The following ZBBX variants were observed in gnomAD, a reference collection of about 807,000 sequenced individuals.
ZBBX encodes the protein zinc finger B-box domain-containing protein 1.
ZBBX carries 101 observed loss-of-function variants against 108.5 expected under a neutral mutation model. The observed-to-expected ratio is 0.93, with a 90% confidence interval of 0.79 to 1.10. The LOEUF (loss-of-function observed/expected upper bound fraction) is 1.10, where lower values mean the gene tolerates loss of function less well. ZBBX is among the 50% of genes least tolerant of loss of function. The probability of loss-of-function intolerance (pLI) is 0.00; values close to 1 mark genes in which losing one functional copy is unlikely to be tolerated. For missense variants in ZBBX, 1,009 were observed against 941.4 expected (o/e 1.07, Z -0.94); for synonymous variants, 356 against 323.4 (o/e 1.10, Z -1.08).
chr3:167,196,147 A>G, the ZBBX span, among the ~76,000 whole-genome samples: 1 of 152,190 alleles, frequency 6.6e-6, no homozygotes. Context: ...TAGCTATTAC[A>G]AAGGCCCCTT....
At chr3:167,333,344 A>C (rs567868813) in intron 10 of ZBBX, among the ~76,000 whole-genome samples, 22 of 152,164 alleles carry the variant, frequency 1.4e-4, no homozygotes, top group Admixed American at 3.3e-4. Flanking sequence ...ATGAGTTGAT[A>C]AAAGCTTATC....
At chr3:167,286,733 C>G (rs4413312) in intron 19 of ZBBX, among the ~76,000 whole-genome samples, 121,985 of 152,082 alleles carry the variant, frequency 0.8, 49,103 homozygotes, top group East Asian at 0.91. Context: ...TGTTTGGATA[C>G]AGTTGCCATT....
intron 1 of ZBBX, among the ~76,000 whole-genome samples, chr3:167,389,087 C>A: frequency 6.6e-6 from 1 of 151,782 alleles, no homozygotes; most frequent in East Asian, 1.9e-4. Context: ...GTTTTAAGCC[C>A]CACATGCCTT....
Position 167,317,547 on chromosome 3 carries a change from G to A in ZBBX, c.1034C>T (p.Pro345Leu). ...CTGTGCATCACCAGTGGTTTCATGT[G>A]GATGTGGGAACGTATCTGGTAGCAT... ...FKMLPDTFPH[P>L]HETTGDAQCS... Residue 345 changes from proline (P) to leucine (L), a missense_variant, in exon 13 of 22, where the codon CCA becomes CTA. By Grantham distance (98) the Pro-to-Leu change is moderately conservative. Transcript: ENST00000675490. 1 of 1,610,960 alleles carries A rather than the reference G, an allele frequency of 6.2e-7. No homozygotes were observed. The highest frequency in any genetic ancestry group is 2.2e-5 in the East Asian group (1 of 44,700).
At chr3:167,257,818 T>G (rs544068759) in intron 20 of ZBBX, among the ~76,000 whole-genome samples, 1 of 152,210 alleles carries the variant, frequency 6.6e-6, no homozygotes, top group East Asian at 1.9e-4. Flanking sequence ...CATTGTCTAT[T>G]CATGTCCTTA....
the ZBBX span, among the ~76,000 whole-genome samples, chr3:167,189,046 T>C: frequency 6.6e-6 from 1 of 152,180 alleles, no homozygotes; most frequent in Non-Finnish European, 1.5e-5. Context: ...GGGAGTGAAC[T>C]TGGAAAATTC....
At chr3:167,269,391 G>C (rs1726141022) in intron 20 of ZBBX, among the ~76,000 whole-genome samples, 1 of 152,200 alleles carries the variant, frequency 6.6e-6, no homozygotes, top group Non-Finnish European at 1.5e-5. Flanking sequence ...CCTGAGGCAG[G>C]AACTAACTTA....
chr3:167,351,159 A>T (rs904072581), intron 8 of ZBBX, among the ~76,000 whole-genome samples: 1 of 152,158 alleles, frequency 6.6e-6, no homozygotes, highest in African/African-American at 2.4e-5. Context: ...ATAACTGATA[A>T]AATGATTATG....
At chr3:167,405,045 TTC>T (rs1303572455) in intron 1 of ZBBX, among the ~76,000 whole-genome samples, 1 of 152,026 alleles carries the variant, frequency 6.6e-6, no homozygotes, top group Non-Finnish European at 1.5e-5. Context: ...TTTTTAAGGG[TTC>T]TTGCTAGGAG....
chr3:167,339,069 T>C (rs2108434679), intron 9 of ZBBX, among the ~76,000 whole-genome samples: 1 of 152,302 alleles, frequency 6.6e-6, no homozygotes, highest in South Asian at 2.1e-4. Flanking sequence ...TTACCTCATA[T>C]GCAGTCGGTA....
intron 1 of ZBBX, among the ~76,000 whole-genome samples, chr3:167,404,363 A>G (rs916193220): frequency 2.6e-5 from 4 of 152,208 alleles, no homozygotes; most frequent in African/African-American, 9.6e-5. Context: ...ACAAATTCAT[A>G]GTTATAGTAG....
At chr3:167,202,239 T>C in the ZBBX span, among the ~76,000 whole-genome samples, 3 of 152,248 alleles carry the variant, frequency 2.0e-5, no homozygotes, top group South Asian at 2.1e-4. Context: ...AAAGTTCCAT[T>C]GTTTCAGGAA....
rs775700752 is a variant in ZBBX at position 167,314,125 on chromosome 3, T to C, written c.1275-9A>G. On this transcript the variant is annotated splice_polypyrimidine_tract_variant and intron_variant, in intron 15 of 21. Transcript: ENST00000675490. ...AATCATGAAAAGCACAACTTTCACA[T>C]GTAGGAACAAACAAAATAATAGAGT... 13 of 1,570,754 alleles carry C rather than the reference T, an allele frequency of 8.3e-6. No individual in the cohort carries two copies. The highest frequency in any genetic ancestry group is 1.0e-5 in the Non-Finnish European group (12 of 1,163,726).
At chr3:167,298,602 A>C in intron 17 of ZBBX, 144 bp from the exon 18 acceptor site, 2 of 503,850 alleles carry the variant, frequency 4.0e-6, no homozygotes, top group Non-Finnish European at 3.3e-6. Context: ...AGTGGAGACA[A>C]ATAATAAAAC....
At chr3:167,202,798 G>A in the ZBBX span, among the ~76,000 whole-genome samples, 1 of 152,094 alleles carries the variant, frequency 6.6e-6, no homozygotes, top group South Asian at 2.1e-4. Flanking sequence ...GAAATAAACT[G>A]TCAGCATAAT....
the ZBBX span, among the ~76,000 whole-genome samples, chr3:167,233,055 C>G: frequency 6.6e-6 from 1 of 151,786 alleles, no homozygotes; most frequent in East Asian, 1.9e-4. Flanking sequence ...TATAAACCTC[C>G]CTTTGAGTCC....
chr3:167,358,402 A>C (rs1743945458), intron 8 of ZBBX, among the ~76,000 whole-genome samples: 1 of 151,988 alleles, frequency 6.6e-6, no homozygotes. Flanking sequence ...TGATTGTTTA[A>C]TGGATACAGA....
At chr3:167,302,501 C>T (rs1039832991) in intron 17 of ZBBX, among the ~76,000 whole-genome samples, 12 of 151,990 alleles carry the variant, frequency 7.9e-5, no homozygotes, top group African/African-American at 2.7e-4. Flanking sequence ...CCCCCCACCC[C>T]ATGTTTTAAG....
At chr3:167,395,289 T>C (rs940959228) in intron 1 of ZBBX, among the ~76,000 whole-genome samples, 6 of 152,058 alleles carry the variant, frequency 3.9e-5, no homozygotes, top group Non-Finnish European at 8.8e-5. Flanking sequence ...TATCACATGC[T>C]TTAATTTTAA....
Sources: gnomAD v4.1 joint callset for allele counts (sites outside exome capture counted in the v4.1 genomes callset) on GRCh38, gnomAD v4.1.1 for gene constraint, MANE v1.5 for transcripts, NCBI Gene and HGNC (gene_info 2026-07-23, HGNC 2026-07-21) for gene names.